NRG3: variants seen among roughly 807,000 people sequenced by gnomAD.
NRG3 encodes the protein pro-neuregulin-3, membrane-bound isoform.
A neutral mutation model predicts 66.9 loss-of-function variants in NRG3; 31 were observed. That is an observed-to-expected ratio of 0.46 (90% CI 0.35 to 0.63). NRG3 has a LOEUF of 0.63. Among genes scored for constraint, NRG3 ranks in the 20% least tolerant of loss-of-function variants. The pLI is 0.00. For missense variants in NRG3, 910 were observed against 878.9 expected, an observed-to-expected ratio of 1.04 and a Z score of -0.45; for synonymous variants, 393 against 359.4, an observed-to-expected ratio of 1.09 and a Z score of -1.06.
chr10:82,588,893 G>T (rs1184793377), intron 2 of NRG3, among the ~76,000 whole-genome samples: 1 of 152,186 alleles, frequency 6.6e-6, no homozygotes, highest in African/African-American at 2.4e-5. Flanking sequence ...ATATTAGCAA[G>T]GAACCATTCC....
At chr10:82,856,425 T>C (rs911908383) in intron 3 of NRG3, among the ~76,000 whole-genome samples, 1 of 152,056 alleles carries the variant, frequency 6.6e-6, no homozygotes, top group Admixed American at 6.6e-5. Flanking sequence ...TGCACTACTT[T>C]ACAGCCTAAT....
chr10:82,805,544 A>G (rs184500912), intron 3 of NRG3, among the ~76,000 whole-genome samples: 7 of 152,204 alleles, frequency 4.6e-5, no homozygotes, highest in Admixed American at 4.6e-4. Context: ...TCCTCCGTTT[A>G]GAAACTGGCT....
chr10:82,885,714 A>T (rs1023836168), intron 4 of NRG3, among the ~76,000 whole-genome samples: 5 of 152,172 alleles, frequency 3.3e-5, no homozygotes, highest in African/African-American at 1.2e-4. Flanking sequence ...GGGAAAGTTT[A>T]CCGGATATCA....
chr10:82,626,084 A>T (rs2049399887), intron 2 of NRG3, among the ~76,000 whole-genome samples: 1 of 152,114 alleles, frequency 6.6e-6, no homozygotes, highest in African/African-American at 2.4e-5. Flanking sequence ...CCATCACTGA[A>T]GATGATGAGA....
intron 1 of NRG3, among the ~76,000 whole-genome samples, chr10:82,092,835 A>G (rs1311871743): frequency 1.3e-5 from 2 of 152,208 alleles, no homozygotes; most frequent in Non-Finnish European, 2.9e-5. Flanking sequence ...GCTTTGACAC[A>G]AACTACTAAA....
intron 1 of NRG3, among the ~76,000 whole-genome samples, chr10:82,227,965 C>G (rs1293110192): frequency 6.6e-6 from 1 of 152,090 alleles, no homozygotes; most frequent in African/African-American, 2.4e-5. Context: ...CAAAGTTCCA[C>G]TCATCATTTC....
intron 6 of NRG3, among the ~76,000 whole-genome samples, chr10:82,970,749 A>G (rs1411802242): frequency 6.6e-6 from 1 of 152,064 alleles, no homozygotes; most frequent in Non-Finnish European, 1.5e-5. Context: ...TTTTTTCTTT[A>G]TGGTCTCTAG....
At chr10:82,274,305 C>CT (rs2078738235) in intron 1 of NRG3, among the ~76,000 whole-genome samples, 1 of 151,990 alleles carries the variant, frequency 6.6e-6, no homozygotes, top group Non-Finnish European at 1.5e-5. Context: ...CTCATAGAAA[C>CT]TTCACTGAAA....
chr10:82,250,016 A>G (rs926871096), intron 1 of NRG3, among the ~76,000 whole-genome samples: 1 of 152,180 alleles, frequency 6.6e-6, no homozygotes, highest in Non-Finnish European at 1.5e-5. Flanking sequence ...CAGAATAAGA[A>G]GTACTTCCTC....
chr10:82,081,393 G>A (rs370344384), intron 1 of NRG3, among the ~76,000 whole-genome samples: 2 of 151,892 alleles, frequency 1.3e-5, no homozygotes, highest in East Asian at 1.9e-4. Flanking sequence ...CCAGTTACAG[G>A]GAATGTTTTC....
intron 1 of NRG3, among the ~76,000 whole-genome samples, chr10:82,213,020 G>A (rs1445575725): frequency 6.6e-6 from 1 of 152,098 alleles, no homozygotes; most frequent in African/African-American, 2.4e-5. Flanking sequence ...TCGGTTCCCA[G>A]GAACAAGAAA....
chr10:82,797,017 A>T (rs1400556749), intron 3 of NRG3, among the ~76,000 whole-genome samples: 2 of 152,192 alleles, frequency 1.3e-5, no homozygotes, highest in African/African-American at 4.8e-5. Flanking sequence ...AATTAGAAAA[A>T]CTCTGAAAAG....
intron 2 of NRG3, among the ~76,000 whole-genome samples, chr10:82,618,863 C>A (rs1417831635): frequency 6.6e-6 from 1 of 151,264 alleles, no homozygotes; most frequent in Non-Finnish European, 1.5e-5. Context: ...TTTTTATGGA[C>A]GTGTTTAAAG....
chr10:82,349,909 C>T (rs547898447), intron 1 of NRG3, among the ~76,000 whole-genome samples: 5 of 152,196 alleles, frequency 3.3e-5, no homozygotes, highest in African/African-American at 7.2e-5. Flanking sequence ...GGCAATGCCT[C>T]GCCCTGCTTC....
At chr10:82,694,835 A>T (rs1489142178) in intron 2 of NRG3, among the ~76,000 whole-genome samples, 5 of 152,170 alleles carry the variant, frequency 3.3e-5, no homozygotes, top group Admixed American at 1.3e-4. Context: ...TATACAAAAA[A>T]CTATGAGGAA....
chr10:82,848,703 T>C (rs190562322), intron 3 of NRG3, among the ~76,000 whole-genome samples: 1 of 152,268 alleles, frequency 6.6e-6, no homozygotes, highest in Non-Finnish European at 1.5e-5. Context: ...TGAACCGTAG[T>C]TCCCATAATC....
In NRG3 at chr10:82,154,186, T is replaced by C. The variant is rs7913720; in HGVS notation, c.824-204553T>C. ...GAAGCTTTTTCTCTACATTTTCTTCTAGTCATTTTAAATTTCAGGCCTTAT... is the reference window on the plus strand; with the variant it reads ...GAAGCTTTTTCTCTACATTTTCTTCCAGTCATTTTAAATTTCAGGCCTTAT... On this transcript the variant is annotated intron_variant, in intron 1 of 8. Coordinates refer to ENST00000372141, the MANE Select transcript of NRG3 (RefSeq NM_001010848.4). Among the ~76,000 whole-genome samples, 876 of 152,190 alleles carry C rather than the reference T, an allele frequency of 5.8e-3. 10 individuals carry two copies. Among genetic ancestry groups the C allele is most frequent in the African/African-American group, 0.02 (828 of 41,558 alleles).
intron 1 of NRG3, among the ~76,000 whole-genome samples, chr10:82,352,140 C>G (rs541672349): frequency 6.6e-6 from 1 of 152,252 alleles, no homozygotes; most frequent in South Asian, 2.1e-4. Context: ...TACTGAATAA[C>G]TATTGGATAG....
At chr10:82,298,270 G>A (rs1269444947) in intron 1 of NRG3, among the ~76,000 whole-genome samples, 1 of 150,142 alleles carries the variant, frequency 6.7e-6, no homozygotes, top group Non-Finnish European at 1.5e-5. Flanking sequence ...AGGGAAGGAA[G>A]GGAGAGAGGG....
Sources: gnomAD v4.1 joint callset for allele counts (sites outside exome capture counted in the v4.1 genomes callset) on GRCh38, gnomAD v4.1.1 for gene constraint, MANE v1.5 for transcripts, NCBI Gene and HGNC (gene_info 2026-07-23, HGNC 2026-07-21) for gene names.